The following CRACD variants were observed in gnomAD, a reference collection of about 807,000 sequenced individuals.
CRACD encodes capping protein inhibiting regulator of actin dynamics.
CRACD carries 56 observed loss-of-function variants against 106.8 expected under a neutral mutation model. The observed-to-expected ratio is 0.52, with a 90% CI of 0.42 to 0.66. The LOEUF (loss-of-function observed/expected upper bound fraction) is 0.66. CRACD is among the 30% of genes least tolerant of loss of function. CRACD has a pLI of 0.00. For synonymous variants in CRACD, 754 were observed against 670.8 expected (o/e 1.12, Z -1.92); for missense variants, 1,730 against 1,623.2 (o/e 1.07, Z -1.13).
At position 56,316,316 on chromosome 4, in the gene CRACD, G is replaced by A. The variant is rs774988394; in HGVS notation, c.2814G>A (p.Pro938=). 8 of 1,613,858 alleles carry A rather than the reference G, an allele frequency of 5.0e-6. No individual in the cohort carries two copies. The highest frequency in any genetic ancestry group is 2.7e-5 in the African/African-American group (2 of 74,934). Residue 938 remains proline (P), a synonymous_variant, in exon 8 of 11, where the codon CCG becomes CCA. Coordinates refer to ENST00000682029, the MANE Select transcript of CRACD (RefSeq NM_001393381.1). ...CTGTGGCCCACCCTGGGCCTCCACC[G>A]GCCAGCAGCCAGACCCCGGCTCCGG... ...SVPVAHPGPP[P]ASSQTPAPEH...
chr4:56,059,687 G>GT (rs558426555), intron 1 of CRACD, among the ~76,000 whole-genome samples: 1 of 152,020 alleles, frequency 6.6e-6, no homozygotes, highest in African/African-American at 2.4e-5. Flanking sequence ...GTTGTGCTTT[G>GT]TTTTTTTCTT....
At chr4:56,197,723 G>A (rs922288906) in intron 2 of CRACD, among the ~76,000 whole-genome samples, 9 of 151,332 alleles carry the variant, frequency 5.9e-5, no homozygotes, top group African/African-American at 9.7e-5. Flanking sequence ...CTGTTGCCCC[G>A]CTGGAGTGCA....
At chr4:56,169,910 A>C (rs1736294266) in intron 1 of CRACD, among the ~76,000 whole-genome samples, 1 of 152,168 alleles carries the variant, frequency 6.6e-6, no homozygotes, top group Non-Finnish European at 1.5e-5. Context: ...ATAAAGAAGC[A>C]GATCAGTTTA....
intron 1 of CRACD, among the ~76,000 whole-genome samples, chr4:56,133,818 A>AAGTAGAATGACAAG (rs1734903821): frequency 6.6e-6 from 1 of 152,212 alleles, no homozygotes; most frequent in African/African-American, 2.4e-5. Context: ...AGTAGAATAA[A>AAGTAGAATGACAAG]TACCATGGAA....
Position 56,163,827 on chromosome 4 carries a change from C to A in CRACD, c.-335-15457C>A, listed in dbSNP as rs112573291. ...ATGGCACAGTCTCAGCTTACTGCAA[C>A]CTCTGCCTCCTGGGTTCAAATGATT... On this transcript the variant is annotated intron_variant, in intron 1 of 10. Coordinates refer to ENST00000682029, the MANE Select transcript of CRACD (RefSeq NM_001393381.1). 1.6e-3 allele frequency among the ~76,000 whole-genome samples: 244 copies of A among 152,176 alleles called. 3 individuals carry two copies. The highest frequency in any genetic ancestry group is 5.5e-3 in the African/African-American group (228 of 41,524).
At chr4:56,088,702 A>T (rs1460577584) in intron 1 of CRACD, among the ~76,000 whole-genome samples, 1 of 151,808 alleles carries the variant, frequency 6.6e-6, no homozygotes, top group Non-Finnish European at 1.5e-5. Flanking sequence ...TAATAATTGA[A>T]TAATTGAACA....
chr4:56,224,539 A>C (rs1739198239), intron 2 of CRACD, among the ~76,000 whole-genome samples: 1 of 152,186 alleles, frequency 6.6e-6, no homozygotes, highest in African/African-American at 2.4e-5. Flanking sequence ...ATGCAAATTA[A>C]AACCACAGGG....
intron 10 of CRACD, among the ~76,000 whole-genome samples, chr4:56,324,953 ATT>A (rs1746332731): frequency 4.6e-5 from 7 of 152,210 alleles, no homozygotes; most frequent in Admixed American, 4.6e-4. Context: ...ATTATACATT[ATT>A]TGTATGTATT....
In CRACD at chr4:56,059,809, G is replaced by A. The variant is rs565069301; in HGVS notation, c.-336+10510G>A. Among the ~76,000 whole-genome samples the A allele has an allele frequency of 5.9e-5, 9 of 152,166 alleles. No individual in the cohort carries two copies. The South Asian group carries it at 8.3e-4, about 14-fold the overall frequency. ...AGCGATTCTTATGCCTCAGGTTCCC[G>A]AGTAGCTGGGATTACAGGCATGCGC... On this transcript the variant is annotated intron_variant, in intron 1 of 10. Transcript: ENST00000682029.
chr4:56,112,982 TAA>T (rs35636895), intron 1 of CRACD, among the ~76,000 whole-genome samples: 8 of 149,738 alleles, frequency 5.3e-5, no homozygotes, highest in South Asian at 2.1e-4. Flanking sequence ...TTTTAAGACT[TAA>T]AAAAAAAAAA....
intron 2 of CRACD, among the ~76,000 whole-genome samples, chr4:56,203,101 AAAG>A (rs1328664692): frequency 6.6e-6 from 1 of 152,222 alleles, no homozygotes; most frequent in East Asian, 1.9e-4. Flanking sequence ...AAAAAGAGGG[AAAG>A]AAGAAGGCAG....
chr4:56,262,648 G>A (rs1196048321), intron 2 of CRACD, among the ~76,000 whole-genome samples: 3 of 152,064 alleles, frequency 2.0e-5, no homozygotes, highest in African/African-American at 7.2e-5. Flanking sequence ...TTTCTCACAG[G>A]GTGAGATAAC....
intron 2 of CRACD, among the ~76,000 whole-genome samples, chr4:56,223,479 T>C (rs1324927003): frequency 6.6e-6 from 1 of 152,170 alleles, no homozygotes; most frequent in Non-Finnish European, 1.5e-5. Flanking sequence ...CTTCTAGTAC[T>C]TTTATGGTTT....
At chr4:56,074,542 C>A (rs756239566) in intron 1 of CRACD, among the ~76,000 whole-genome samples, 4 of 152,032 alleles carry the variant, frequency 2.6e-5, no homozygotes, top group Non-Finnish European at 5.9e-5. Context: ...ATTTTGTATC[C>A]CGATACTTTG....
intron 1 of CRACD, among the ~76,000 whole-genome samples, chr4:56,062,928 T>C (rs1162143510): frequency 6.6e-6 from 1 of 152,238 alleles, no homozygotes; most frequent in Admixed American, 6.5e-5. Context: ...CAGTCCCTGC[T>C]GTAGATTACC....
In CRACD at chr4:56,314,244, C is replaced by A. The variant is rs368772364; in HGVS notation, c.742C>A (p.Leu248Ile). Residue 248 changes from leucine to isoleucine, a missense_variant, in exon 8 of 11, where the codon CTA (leucine) becomes ATA (isoleucine). Leu to Ile is a conservative substitution (Grantham distance 5). This residue lies in a region of CRACD where 1,620 missense variants were observed against 1,481.6 expected (regional missense o/e 1.09). Transcript: ENST00000682029. The surrounding 1 kb of genome is among the most constrained non-coding windows in gnomAD (Gnocchi z 4.4). ...GGCGGAAGCAGCCGAGAAGAGACGC[C>A]TAGAGGAGCAGAGGCTGCAGGCGCT... ...QKAEAAEKRR[L>I]EEQRLQALER... is the part of the protein sequence containing the mutation. The A allele has an allele frequency of 6.3e-6, 10 of 1,583,864 alleles. No individual in the cohort carries two copies. The highest frequency in any genetic ancestry group is 7.7e-6 in the Non-Finnish European group (9 of 1,164,680).
intron 1 of CRACD, among the ~76,000 whole-genome samples, chr4:56,062,600 T>G (rs1049255830): frequency 6.6e-6 from 1 of 152,234 alleles, no homozygotes; most frequent in African/African-American, 2.4e-5. Flanking sequence ...CTGCAAATTC[T>G]GTCCACAGTG....
intron 2 of CRACD, among the ~76,000 whole-genome samples, chr4:56,209,483 T>G (rs1419657338): frequency 6.6e-6 from 1 of 152,160 alleles, no homozygotes; most frequent in African/African-American, 2.4e-5. Flanking sequence ...ATTACATATA[T>G]TAACTACATG....
At chr4:56,174,180 T>C (rs1318419420) in intron 1 of CRACD, among the ~76,000 whole-genome samples, 2 of 152,216 alleles carry the variant, frequency 1.3e-5, no homozygotes, top group Non-Finnish European at 2.9e-5. Flanking sequence ...GGATACATAA[T>C]AGTTGTACAT....
Sources: gnomAD v4.1 joint callset for allele counts (sites outside exome capture counted in the v4.1 genomes callset) on GRCh38, gnomAD v4.1.1 for gene constraint, gnomAD v4.1.1 regional missense constraint, Gnocchi (gnomAD v3.1) non-coding constraint, MANE v1.5 for transcripts, NCBI Gene and HGNC (gene_info 2026-07-23, HGNC 2026-07-21) for gene names.